MACROD2: variants seen among roughly 807,000 people sequenced by gnomAD.
MACROD2 encodes the protein mono-ADP ribosylhydrolase 2, also known as ADP-ribose glycohydrolase MACROD2.
Under a neutral mutation model 70.4 loss-of-function variants are expected in MACROD2, and 36 were observed. That is an observed-to-expected ratio of 0.51 (90% CI 0.39 to 0.68). The LOEUF (loss-of-function observed/expected upper bound fraction) is 0.68. MACROD2 is among the 30% of genes least tolerant of loss of function. The pLI is 0.00. For missense variants in MACROD2, 496 were observed against 538.4 expected, an observed-to-expected ratio of 0.92 and a Z score of 0.78; for synonymous variants, 172 against 178.8, an observed-to-expected ratio of 0.96 and a Z score of 0.30.
At chr20:15,680,516 A>G (rs1406412604) in intron 8 of MACROD2, among the ~76,000 whole-genome samples, 1 of 152,204 alleles carries the variant, frequency 6.6e-6, no homozygotes, top group Non-Finnish European at 1.5e-5. Context: ...AAATAAAGTT[A>G]TCCAATGTTT....
intron 4 of MACROD2, among the ~76,000 whole-genome samples, chr20:14,645,478 T>C (rs984039978): frequency 2.6e-5 from 4 of 152,044 alleles, no homozygotes; most frequent in Admixed American, 6.6e-5. Flanking sequence ...TAAAGTAATA[T>C]GTGTTTGCTT....
At chr20:14,805,889 T>C (rs148466580) in intron 5 of MACROD2, among the ~76,000 whole-genome samples, 15 of 152,202 alleles carry the variant, frequency 9.9e-5, no homozygotes, top group African/African-American at 3.6e-4. Flanking sequence ...TAGGTTTTCA[T>C]AGATAGTCAG....
chr20:15,856,045 A>C (rs1296377898), intron 8 of MACROD2, among the ~76,000 whole-genome samples: 1 of 152,152 alleles, frequency 6.6e-6, no homozygotes, highest in East Asian at 1.9e-4. Context: ...TCTATGTAGG[A>C]GTGAAATTGC....
intron 5 of MACROD2, among the ~76,000 whole-genome samples, chr20:14,780,476 C>T (rs762960447): frequency 4.6e-5 from 7 of 150,928 alleles, no homozygotes; most frequent in East Asian, 3.9e-4. Flanking sequence ...GCAGGAGAAT[C>T]GCTTGAACCT....
chr20:14,243,039 C>A (rs6042612), intron 3 of MACROD2, among the ~76,000 whole-genome samples: 1 of 152,092 alleles, frequency 6.6e-6, no homozygotes, highest in Non-Finnish European at 1.5e-5. Context: ...GTGCATTGGC[C>A]TTCACACACA....
chr20:14,482,149 G>A (rs2123074132), intron 3 of MACROD2, among the ~76,000 whole-genome samples: 1 of 152,182 alleles, frequency 6.6e-6, no homozygotes, highest in East Asian at 1.9e-4. Context: ...TCCAAGCATT[G>A]CGTTAGGGTG....
At chr20:14,020,664 G>T (rs150618166) in intron 2 of MACROD2, among the ~76,000 whole-genome samples, 6 of 152,146 alleles carry the variant, frequency 3.9e-5, no homozygotes, top group Middle Eastern at 3.4e-3. Context: ...TTTATTTATT[G>T]ATTGATTGAG....
chr20:15,133,736 A>G (rs1238039737), intron 5 of MACROD2, among the ~76,000 whole-genome samples: 1 of 151,984 alleles, frequency 6.6e-6, no homozygotes, highest in Non-Finnish European at 1.5e-5. Context: ...TTATTTATAC[A>G]CCCTCTCCTT....
At chr20:14,584,506 T>C (rs1486814608) in intron 4 of MACROD2, among the ~76,000 whole-genome samples, 1 of 152,134 alleles carries the variant, frequency 6.6e-6, no homozygotes, top group Non-Finnish European at 1.5e-5. Flanking sequence ...CATCTTCTTT[T>C]TGTATTCTTG....
At position 15,937,512 on chromosome 20, in the gene MACROD2, C is replaced by T; in HGVS notation, c.875C>T (p.Ser292Leu). 1 of 1,613,362 alleles carries T rather than the reference C, an allele frequency of 6.2e-7. No homozygotes were observed. Among genetic ancestry groups the T allele is most frequent in the Non-Finnish European group, 8.5e-7 (1 of 1,179,520 alleles). ...VNTVTVPGPA[S>L]EEAVEDCKDE... ...ACTGTCACTGTGCCCGGCCCTGCTT[C>T]AGAAGAGGCAGTTGAAGACTGTAAA... The change falls in exon 12 of 18, where the codon TCA becomes TTA. Residue 292 changes from serine to leucine, a missense_variant. Ser to Leu is a moderately radical substitution (Grantham distance 145, BLOSUM62 -2). Coordinates refer to ENST00000684519, the MANE Select transcript of MACROD2 (RefSeq NM_001351661.2).
At chr20:15,039,506 C>G (rs1019626540) in intron 5 of MACROD2, among the ~76,000 whole-genome samples, 4 of 152,142 alleles carry the variant, frequency 2.6e-5, no homozygotes, top group Non-Finnish European at 4.4e-5. Context: ...TGAAGCCCTT[C>G]CAGTCTCCTT....
At chr20:14,883,399 G>A (rs1363500415) in intron 5 of MACROD2, among the ~76,000 whole-genome samples, 1 of 152,114 alleles carries the variant, frequency 6.6e-6, no homozygotes, top group Non-Finnish European at 1.5e-5. Flanking sequence ...TGGGTTTATA[G>A]AGCCTTTAGC....
chr20:15,748,560 A>G (rs1435802518), intron 8 of MACROD2, among the ~76,000 whole-genome samples: 1 of 151,204 alleles, frequency 6.6e-6, no homozygotes, highest in African/African-American at 2.4e-5. Context: ...TTCTTATAAG[A>G]CTCCCACCTT....
At chr20:15,696,886 T>A (rs779170724) in intron 8 of MACROD2, among the ~76,000 whole-genome samples, 1 of 151,280 alleles carries the variant, frequency 6.6e-6, no homozygotes, top group Non-Finnish European at 1.5e-5. Flanking sequence ...ATTTCAGTGG[T>A]GTAGGTTGTA....
In MACROD2 at chr20:15,363,816, G is replaced by A. The variant is rs140366887; in HGVS notation, c.541-67589G>A. ...ATCATTATTATCCAGTATTTTTATAGCACTTTATATTTTGCAAACGGCTTC... is the reference window on the plus strand; with the variant it reads ...ATCATTATTATCCAGTATTTTTATAACACTTTATATTTTGCAAACGGCTTC... On this transcript the variant is annotated intron_variant, in intron 6 of 17. Coordinates refer to ENST00000684519, the MANE Select transcript of MACROD2 (RefSeq NM_001351661.2). 1.2e-4 allele frequency among the ~76,000 whole-genome samples: 18 copies of A among 152,250 alleles called. No homozygotes were observed. In the East Asian group the frequency reaches 2.9e-3, roughly 24 times the overall value.
At chr20:14,033,692 A>G (rs2053273037) in intron 2 of MACROD2, among the ~76,000 whole-genome samples, 1 of 152,144 alleles carries the variant, frequency 6.6e-6, no homozygotes, top group Non-Finnish European at 1.5e-5. Flanking sequence ...TCACACCCCA[A>G]ATCCATAACC....
chr20:14,865,958 A>T (rs888909721), intron 5 of MACROD2, among the ~76,000 whole-genome samples: 1 of 152,142 alleles, frequency 6.6e-6, no homozygotes, highest in Non-Finnish European at 1.5e-5. Context: ...TTTCTCTTTG[A>T]AAGTTCCACC....
intron 5 of MACROD2, among the ~76,000 whole-genome samples, chr20:15,014,677 G>C (rs1257842799): frequency 6.6e-6 from 1 of 152,094 alleles, no homozygotes; most frequent in Non-Finnish European, 1.5e-5. Context: ...TTGTGTGTGA[G>C]TGTATGTGTG....
rs570423158 is a variant in MACROD2, at chr20:14,352,865, T to A, written c.272-140614T>A. Among the ~76,000 whole-genome samples the A allele has an allele frequency of 5.3e-5, 8 of 152,272 alleles. No individual in the cohort carries two copies. The South Asian group carries it at 1.7e-3, about 32-fold the overall frequency. On this transcript the variant is annotated intron_variant, in intron 3 of 17. Coordinates refer to ENST00000684519, the MANE Select transcript of MACROD2 (RefSeq NM_001351661.2). The stretch of plus-strand genomic sequence containing the variant: ...ACCCAGAATTAACAAAGGTTAACAT[T>A]TGAATATTTTTGCTTTAGCTTCTTC...
Sources: gnomAD v4.1 joint callset for allele counts (sites outside exome capture counted in the v4.1 genomes callset) on GRCh38, gnomAD v4.1.1 for gene constraint, MANE v1.5 for transcripts, NCBI Gene and HGNC (gene_info 2026-07-23, HGNC 2026-07-21) for gene names.